SLC13A1: variants seen among roughly 807,000 people sequenced by gnomAD.
SLC13A1 encodes solute carrier family 13 member 1, also known as Na(+)/sulfate cotransporter.
Under a neutral mutation model 70.0 loss-of-function variants are expected in SLC13A1, and 65 were observed. That is an observed-to-expected ratio of 0.93 (90% CI 0.76 to 1.14). The LOEUF (loss-of-function observed/expected upper bound fraction) is 1.14, where lower values mean the gene tolerates loss of function less well. Among genes scored for constraint, SLC13A1 ranks in the 50% most tolerant of loss-of-function variants. The pLI, the probability that SLC13A1 is intolerant of heterozygous loss-of-function variation, is 0.00. For missense variants in SLC13A1, 726 were observed against 717.8 expected, an observed-to-expected ratio of 1.01 and a Z score of -0.13; for synonymous variants, 275 against 250.5, an observed-to-expected ratio of 1.10 and a Z score of -0.92.
At position 123,147,316 on chromosome 7, in the gene SLC13A1, C is replaced by T. The variant is rs745372663; in HGVS notation, c.661-6G>A. The T allele has an allele frequency of 6.2e-7, 1 of 1,611,960 alleles. No individual in the cohort carries two copies. The highest frequency in any genetic ancestry group is 8.5e-7 in the Non-Finnish European group (1 of 1,179,150). ...TTGGTTCTCATGCCTGAGTTCTGTT[C>T]AACAACAACAAAAAACTACCATGAG... On this transcript the variant is annotated splice_polypyrimidine_tract_variant and splice_region_variant and intron_variant, in intron 6 of 14. Coordinates refer to ENST00000194130, the MANE Select transcript of SLC13A1 (RefSeq NM_022444.4).
chr7:123,128,929 G>A lies in SLC13A1; in HGVS notation c.1049C>T (p.Thr350Ile). 1 of 1,612,778 alleles carries A rather than the reference G, an allele frequency of 6.2e-7. No homozygotes were observed. The highest frequency in any genetic ancestry group is 1.1e-5 in the South Asian group (1 of 91,028). ...LGPIRYQEIVTLVLFIIMALL... is the reference protein window; with the variant it reads ...LGPIRYQEIVILVLFIIMALL... ...AGCCATTATAATGAAGAGGACCAAGGTCACAATTTCTTGATACCTGTGGAA... is the reference window on the plus strand; with the variant it reads ...AGCCATTATAATGAAGAGGACCAAGATCACAATTTCTTGATACCTGTGGAA... Residue 350 changes from threonine (T) to isoleucine (I), a missense_variant, in exon 10 of 15, where the codon ACC becomes ATC. Transcript: ENST00000194130.
chr7:123,150,673 T>C lies in SLC13A1; in HGVS notation c.661-3363A>G, dbSNP rs937190171. Among the ~76,000 whole-genome samples, 3 of 152,218 alleles carry C rather than the reference T, an allele frequency of 2.0e-5. No individual in the cohort carries two copies. In the East Asian group the frequency reaches 5.8e-4, roughly 29 times the overall value. ...ATCAGTAATCCCCTCAGTGCTAAGT[T>C]CAATAGGAACCTTTCAATCTCAACT... is the stretch of plus-strand genomic sequence containing the variant. On this transcript the variant is annotated intron_variant, in intron 6 of 14. Transcript: ENST00000194130.
chr7:123,163,109 G>A (rs1193664112), intron 6 of SLC13A1, among the ~76,000 whole-genome samples: 1 of 151,982 alleles, frequency 6.6e-6, no homozygotes, highest in Non-Finnish European at 1.5e-5. Flanking sequence ...TCCTTCTTTG[G>A]TATCTACAAA....
At chr7:123,117,341 C>A (rs1241612451) in intron 14 of SLC13A1, 130 bp downstream of exon 14, 2 of 831,874 alleles carry the variant, frequency 2.4e-6, no homozygotes, top group African/African-American at 3.4e-5. Flanking sequence ...ATGCACACTG[C>A]ATTCATAAAC....
chr7:123,160,145 C>T (rs984138973), intron 6 of SLC13A1, among the ~76,000 whole-genome samples: 1 of 151,604 alleles, frequency 6.6e-6, no homozygotes, highest in Non-Finnish European at 1.5e-5. Context: ...TAGCTGGGCA[C>T]CTGTAATCCC....
At chr7:123,180,340 G>A (rs886934601) in intron 2 of SLC13A1, among the ~76,000 whole-genome samples, 2 of 152,238 alleles carry the variant, frequency 1.3e-5, no homozygotes, top group East Asian at 1.9e-4. Flanking sequence ...CTGGTATCTC[G>A]AACTTAACAT....
At chr7:123,140,178 T>G (rs1367036068) in intron 7 of SLC13A1, among the ~76,000 whole-genome samples, 1 of 152,122 alleles carries the variant, frequency 6.6e-6, no homozygotes, top group Non-Finnish European at 1.5e-5. Flanking sequence ...TCAGCATAAA[T>G]TAAAATGATC....
chr7:123,150,748 T>G (rs554029918), intron 6 of SLC13A1, among the ~76,000 whole-genome samples: 7 of 152,198 alleles, frequency 4.6e-5, no homozygotes, highest in Non-Finnish European at 8.8e-5. Flanking sequence ...TTCTTTTTAC[T>G]GAAAAAACTC....
intron 6 of SLC13A1, among the ~76,000 whole-genome samples, chr7:123,150,441 C>A (rs547611309): frequency 6.6e-6 from 1 of 152,212 alleles, no homozygotes; most frequent in African/African-American, 2.4e-5. Flanking sequence ...TTGGAATTTT[C>A]ATCAACATTT....
chr7:123,119,684 A>G (rs540495589), intron 12 of SLC13A1, among the ~76,000 whole-genome samples: 1 of 151,960 alleles, frequency 6.6e-6, no homozygotes, highest in South Asian at 2.1e-4. Context: ...TTAAAATAAT[A>G]TTTTAATTAT....
intron 14 of SLC13A1, 57 bp downstream of exon 14, chr7:123,117,414 C>G: frequency 1.3e-6 from 2 of 1,548,136 alleles, no homozygotes; most frequent in Admixed American, 3.4e-5. Flanking sequence ...TAATTCAAGA[C>G]ATGGCACACA....
chr7:123,145,985 C>T (rs1223403185), intron 7 of SLC13A1, among the ~76,000 whole-genome samples: 2 of 152,130 alleles, frequency 1.3e-5, no homozygotes, highest in Non-Finnish European at 2.9e-5. Context: ...AATCCTGTTC[C>T]TAGGCTTTCT....
intron 1 of SLC13A1, among the ~76,000 whole-genome samples, chr7:123,194,088 A>G (rs1202085027): frequency 1.3e-5 from 2 of 152,108 alleles, no homozygotes; most frequent in South Asian, 2.1e-4. Context: ...CAGAAATTTA[A>G]ACACTATGCT....
At position 123,134,403 on chromosome 7, in the gene SLC13A1, T is replaced by C; in HGVS notation, c.932+7A>G. 1 of 1,611,566 alleles carries C rather than the reference T, an allele frequency of 6.2e-7. No individual in the cohort carries two copies. Among genetic ancestry groups the C allele is most frequent in the Non-Finnish European group, 8.5e-7 (1 of 1,178,742 alleles). On this transcript the variant is annotated splice_region_variant and intron_variant, in intron 8 of 14. Coordinates refer to ENST00000194130, the MANE Select transcript of SLC13A1 (RefSeq NM_022444.4). ...ATTTAGCCTATTAACATGAAATATT[T>C]ACTTACTTGAATCCTAGGAAAAGCC...
In SLC13A1 at chr7:123,113,639, A is replaced by T. The variant is rs1420521192; in HGVS notation, c.*1879T>A. On this transcript the variant is annotated 3_prime_UTR_variant, in exon 15 of 15. Coordinates refer to ENST00000194130, the MANE Select transcript of SLC13A1 (RefSeq NM_022444.4). ...ACTAGAAAAAAGCAGAAATGTAATA[A>T]ATACTACAGATTATAAATACATGTG... 3.3e-5 allele frequency: 5 copies of T among 152,218 alleles called. No individual in the cohort carries two copies. The highest frequency in any genetic ancestry group is 6.5e-5 in the Admixed American group (1 of 15,280). The allele number at this position is 152,218 out of a possible 1,614,324, so 9.4% of individuals were successfully genotyped here.
At chr7:123,168,463 T>C (rs1312079010) in intron 5 of SLC13A1, 41 bp from the exon 6 acceptor site, 1 of 1,586,098 alleles carries the variant, frequency 6.3e-7, no homozygotes, top group South Asian at 1.1e-5. Context: ...TATTAAAATA[T>C]AATTTGGAAA....
chr7:123,168,243 C>A, intron 6 of SLC13A1, 131 bp downstream of exon 6: 1 of 612,252 alleles, frequency 1.6e-6, no homozygotes, highest in Non-Finnish European at 2.9e-6. Context: ...TTACACCATG[C>A]TACTGCTTAG....
chr7:123,186,361 A>G (rs920010828), intron 1 of SLC13A1, among the ~76,000 whole-genome samples: 5 of 152,096 alleles, frequency 3.3e-5, no homozygotes, highest in Non-Finnish European at 7.4e-5. Context: ...TTGCAACTAA[A>G]AAGAGATCCT....
chr7:123,159,143 C>T (rs1028818271), intron 6 of SLC13A1, among the ~76,000 whole-genome samples: 1 of 151,916 alleles, frequency 6.6e-6, no homozygotes, highest in African/African-American at 2.4e-5. Flanking sequence ...GTTAAAATAT[C>T]CTAGGCTCTT....
Sources: gnomAD v4.1 joint callset for allele counts (sites outside exome capture counted in the v4.1 genomes callset) on GRCh38, gnomAD v4.1.1 for gene constraint, MANE v1.5 for transcripts, NCBI Gene and HGNC (gene_info 2026-07-23, HGNC 2026-07-21) for gene names.